The following TBC1D1 variants were observed in gnomAD, a reference collection of about 807,000 sequenced individuals.
TBC1D1 encodes the protein TBC1 domain family member 1, also known as TBC1 (tre-2/USP6, BUB2, cdc16) domain family, member 1.
Under a neutral mutation model 125.6 loss-of-function variants are expected in TBC1D1, and 89 were observed. The ratio of observed to expected loss-of-function variants is 0.71; its 90% CI spans 0.60 to 0.85. The LOEUF is 0.85. TBC1D1 is among the 40% of genes least tolerant of loss of function. TBC1D1 has a pLI of 0.00. For synonymous variants in TBC1D1, 565 were observed against 564.1 expected, an observed-to-expected ratio of 1.00 and a Z score of -0.02; for missense variants, 1,377 against 1,469.2, an observed-to-expected ratio of 0.94 and a Z score of 1.03.
At chr4:37,982,345 A>T (rs905654279) in intron 2 of TBC1D1, among the ~76,000 whole-genome samples, 4 of 152,142 alleles carry the variant, frequency 2.6e-5, no homozygotes, top group Non-Finnish European at 5.9e-5. Flanking sequence ...GGTTAATGTG[A>T]TGTATTGTTT....
rs1002726137 is a variant in TBC1D1, at chr4:37,995,140, A to T, written c.418-19369A>T. 2.0e-5 allele frequency among the ~76,000 whole-genome samples: 3 copies of T among 152,164 alleles called. No individual in the cohort carries two copies. The highest frequency in any genetic ancestry group is 7.2e-5 in the African/African-American group (3 of 41,422). On this transcript the variant is annotated intron_variant, in intron 2 of 19. Transcript: ENST00000261439. The surrounding 1 kb of genome is among the most constrained non-coding windows in gnomAD (Gnocchi z 4.3). ...CTGCAGTTTGTTTCCTTCGATACTG[A>T]CACAACAGCCCTCGGGAAACTGACC... is the stretch of plus-strand genomic sequence containing the variant.
chr4:38,135,778 C>G (rs1157110087), intron 19 of TBC1D1, among the ~76,000 whole-genome samples: 1 of 151,904 alleles, frequency 6.6e-6, no homozygotes, highest in African/African-American at 2.4e-5. Flanking sequence ...GACTTCGAGT[C>G]ATGAATTTTC....
intron 4 of TBC1D1, among the ~76,000 whole-genome samples, chr4:38,019,736 T>A (rs1743594276): frequency 6.6e-6 from 1 of 152,190 alleles, no homozygotes; most frequent in Non-Finnish European, 1.5e-5. Context: ...CACATTTACA[T>A]ATTAATATTT....
chr4:38,063,651 C>T (rs1719136412), intron 12 of TBC1D1, among the ~76,000 whole-genome samples: 1 of 150,272 alleles, frequency 6.7e-6, no homozygotes, highest in African/African-American at 2.5e-5. Context: ...TTTTTTGAGA[C>T]GGAGTATTGC....
chr4:38,108,183 G>A (rs374620921), intron 15 of TBC1D1, among the ~76,000 whole-genome samples: 25 of 152,220 alleles, frequency 1.6e-4, no homozygotes, highest in South Asian at 4.2e-4. Flanking sequence ...TCCCACTGTC[G>A]TCCTGACCAC....
In TBC1D1 at chr4:38,137,073, C is replaced by T. The variant is rs1046947867; in HGVS notation, c.3307-62C>T. ...CTCCCAAGGCTGGACAGCGTGTGGG[C>T]ACTGGATCCCACCTGTGTTAGCACT... On this transcript the variant is annotated intron_variant, in intron 19 of 19. Coordinates refer to ENST00000261439, the MANE Select transcript of TBC1D1 (RefSeq NM_015173.4). 10 of 1,607,714 alleles carry T rather than the reference C, an allele frequency of 6.2e-6. 1 individual carries two copies. The African/African-American group carries it at 1.3e-4, about 21-fold the overall frequency.
At chr4:38,004,892 T>C (rs1213822693) in intron 2 of TBC1D1, among the ~76,000 whole-genome samples, 2 of 152,200 alleles carry the variant, frequency 1.3e-5, no homozygotes, top group African/African-American at 2.4e-5. Context: ...CGGTAAAACA[T>C]GAATATTTGT....
chr4:38,033,371 A>AT (rs148472246), intron 7 of TBC1D1, among the ~76,000 whole-genome samples: 29 of 149,468 alleles, frequency 1.9e-4, no homozygotes, highest in African/African-American at 5.6e-4. Flanking sequence ...TCCCTGGATC[A>AT]TTTTTTTTTT....
intron 2 of TBC1D1, among the ~76,000 whole-genome samples, chr4:37,936,230 A>T (rs1357442136): frequency 6.6e-6 from 1 of 152,226 alleles, no homozygotes; most frequent in Non-Finnish European, 1.5e-5. Flanking sequence ...CTAATTTATA[A>T]ATTTGGCACA....
In TBC1D1 at chr4:37,908,368, G is replaced by A. The variant is rs1717811047; in HGVS notation, c.417+5856G>A. Reference sequence around the variant, plus strand: ...TTACAGGCGCCCGCCACCACTCCCAGCTAATTTTTGTATTTTTAGTGGAGA... The same window carrying A: ...TTACAGGCGCCCGCCACCACTCCCAACTAATTTTTGTATTTTTAGTGGAGA... On this transcript the variant is annotated intron_variant, in intron 2 of 19. Transcript: ENST00000261439. Among the ~76,000 whole-genome samples the A allele has an allele frequency of 1.3e-5, 2 of 152,114 alleles. 1 individual carries two copies. The highest frequency in any genetic ancestry group is 4.1e-4 in the South Asian group (2 of 4,832).
At chr4:38,093,640 T>G (rs1758825505) in intron 13 of TBC1D1, among the ~76,000 whole-genome samples, 1 of 147,186 alleles carries the variant, frequency 6.8e-6, no homozygotes, top group Admixed American at 6.9e-5. Context: ...TTCTCCTGTC[T>G]TAGCCTCCAG....
chr4:37,961,872 T>G (rs1039858372), intron 2 of TBC1D1, among the ~76,000 whole-genome samples: 1 of 152,222 alleles, frequency 6.6e-6, no homozygotes, highest in Non-Finnish European at 1.5e-5. Flanking sequence ...CCAAAAAAGA[T>G]GCAAGGTCTC....
chr4:38,011,230 G>A (rs1741414293), intron 2 of TBC1D1, among the ~76,000 whole-genome samples: 1 of 151,848 alleles, frequency 6.6e-6, no homozygotes, highest in South Asian at 2.1e-4. Flanking sequence ...GTGCATGCCT[G>A]TAATCCTAGC....
At chr4:38,102,528 G>A (rs2152558104) in intron 14 of TBC1D1, among the ~76,000 whole-genome samples, 1 of 152,218 alleles carries the variant, frequency 6.6e-6, no homozygotes, top group Non-Finnish European at 1.5e-5. Flanking sequence ...AGTAGGGGAA[G>A]AAGCAAATAG....
Position 38,125,089 on chromosome 4 carries a change from A to C in TBC1D1, c.3090A>C (p.Leu1030=), listed in dbSNP as rs772976530. The change falls in exon 18 of 20, where the codon CTA becomes CTC. Residue 1030 remains leucine (L), a synonymous_variant. Coordinates refer to ENST00000261439, the MANE Select transcript of TBC1D1 (RefSeq NM_015173.4). ...TAGTTGACTTTATAAAAAGCACGCT[A>C]CCCAACCTTGGCTTGGTACAGATGG... The C allele has an allele frequency of 3.1e-6, 5 of 1,614,028 alleles. No homozygotes were observed. The Admixed American group carries it at 8.3e-5, about 27-fold the overall frequency.
chr4:37,924,696 T>G (rs1467355205), intron 2 of TBC1D1, among the ~76,000 whole-genome samples: 3 of 152,256 alleles, frequency 2.0e-5, no homozygotes, highest in Non-Finnish European at 4.4e-5. Flanking sequence ...TTTAGCAGTA[T>G]CAGAATTGTA....
At chr4:38,122,155 T>C (rs1235670551) in intron 17 of TBC1D1, among the ~76,000 whole-genome samples, 1 of 152,218 alleles carries the variant, frequency 6.6e-6, no homozygotes, top group Non-Finnish European at 1.5e-5. Flanking sequence ...TGGGAGTCTC[T>C]GGCAGGAATC....
At chr4:37,910,817 A>G (rs761192796) in intron 2 of TBC1D1, among the ~76,000 whole-genome samples, 20 of 152,248 alleles carry the variant, frequency 1.3e-4, no homozygotes, top group Middle Eastern at 3.4e-3. Flanking sequence ...TTGTAACACA[A>G]AAGATAGATG....
chr4:37,920,044 C>T (rs1302984712), intron 2 of TBC1D1, among the ~76,000 whole-genome samples: 1 of 152,162 alleles, frequency 6.6e-6, no homozygotes, highest in Admixed American at 6.5e-5. Context: ...ACCGGTGAGG[C>T]GGAGCTTGCA....
Sources: allele counts gnomAD v4.1 joint callset (sites outside exome capture counted in the v4.1 genomes callset), GRCh38; gene constraint gnomAD v4.1.1; non-coding constraint Gnocchi (gnomAD v3.1); transcripts MANE v1.5; gene names NCBI Gene and HGNC (gene_info 2026-07-23, HGNC 2026-07-21).